The following XYLT1 variants were observed in gnomAD, a reference collection of about 807,000 sequenced individuals.
XYLT1 encodes the protein xylosyltransferase 1, also known as beta-D-xylosyltransferase 1.
In XYLT1, 36 loss-of-function variants were observed where a neutral mutation model predicts 91.3. The ratio of observed to expected loss-of-function variants is 0.39; its 90% CI spans 0.30 to 0.52. The LOEUF is 0.52. Among genes scored for constraint, XYLT1 ranks in the 20% least tolerant of loss-of-function variants. XYLT1 has a pLI of 0.68. For missense variants in XYLT1, 1,242 were observed against 1,284.5 expected (o/e 0.97, Z 0.51); for synonymous variants, 588 against 532.0 (o/e 1.11, Z -1.45).
At chr16:17,280,113 G>A (rs1014073584) in intron 2 of XYLT1, among the ~76,000 whole-genome samples, 7 of 152,208 alleles carry the variant, frequency 4.6e-5, no homozygotes, top group Admixed American at 2.6e-4. Flanking sequence ...CATTTTGGGA[G>A]GCCAAGGCAG....
intron 1 of XYLT1, among the ~76,000 whole-genome samples, chr16:17,441,656 T>C (rs1001388438): frequency 2.6e-5 from 4 of 152,164 alleles, no homozygotes; most frequent in African/African-American, 9.7e-5. Context: ...TCTTGGATGA[T>C]TTTTTTAAAT....
At chr16:17,197,679 G>A (rs1026222653) in intron 5 of XYLT1, among the ~76,000 whole-genome samples, 6 of 152,160 alleles carry the variant, frequency 3.9e-5, no homozygotes, top group Admixed American at 1.3e-4. Context: ...CTCCCATGCT[G>A]GATGCTTCCT....
intron 5 of XYLT1, among the ~76,000 whole-genome samples, chr16:17,172,035 G>A (rs1455223438): frequency 2.6e-5 from 4 of 152,310 alleles, no homozygotes; most frequent in East Asian, 3.9e-4. Context: ...AACAGGAATC[G>A]CAATATGACA....
At chr16:17,284,171 T>TG (rs2034098871) in intron 2 of XYLT1, among the ~76,000 whole-genome samples, 1 of 152,234 alleles carries the variant, frequency 6.6e-6, no homozygotes, top group Non-Finnish European at 1.5e-5. Context: ...ACAGTCCTGT[T>TG]GCGAAGATCA....
intron 1 of XYLT1, among the ~76,000 whole-genome samples, chr16:17,439,062 G>A (rs73527443): frequency 6.6e-6 from 1 of 152,168 alleles, no homozygotes; most frequent in African/African-American, 2.4e-5. Flanking sequence ...GTGCAATACA[G>A]AAATATTGGT....
chr16:17,344,492 C>CAAA (rs199791926), intron 2 of XYLT1, among the ~76,000 whole-genome samples: 3 of 100,860 alleles, frequency 3.0e-5, no homozygotes, highest in Admixed American at 1.1e-4. Context: ...GACTCCATCT[C>CAAA]AAAAAAAAAA....
At chr16:17,338,072 T>C in intron 2 of XYLT1, 1 of 405,898 alleles carries the variant, frequency 2.5e-6, no homozygotes, top group Non-Finnish European at 5.0e-6. Flanking sequence ...CCGGCCCCCG[T>C]TCTACATTTT....
chr16:17,246,969 G>C (rs560524058), intron 3 of XYLT1, among the ~76,000 whole-genome samples: 16 of 152,200 alleles, frequency 1.1e-4, no homozygotes, highest in Non-Finnish European at 2.4e-4. Flanking sequence ...GACTTGGAGA[G>C]GTGCAGTGTG....
intron 1 of XYLT1, among the ~76,000 whole-genome samples, chr16:17,438,163 T>C (rs2036484872): frequency 6.6e-6 from 1 of 152,174 alleles, no homozygotes; most frequent in Non-Finnish European, 1.5e-5. Flanking sequence ...TCTGCAATTC[T>C]AGAATTTCCC....
At chr16:17,277,857 A>G (rs571423241) in intron 2 of XYLT1, among the ~76,000 whole-genome samples, 1 of 151,996 alleles carries the variant, frequency 6.6e-6, no homozygotes, top group Non-Finnish European at 1.5e-5. Context: ...CTTTTGTATT[A>G]CCCACTGTTC....
intron 3 of XYLT1, among the ~76,000 whole-genome samples, chr16:17,218,524 C>T (rs1291719069): frequency 6.6e-6 from 1 of 152,128 alleles, no homozygotes; most frequent in African/African-American, 2.4e-5. Flanking sequence ...GGCTTGTGCT[C>T]AGCAGTGATT....
chr16:17,431,400 C>G (rs975610542), intron 1 of XYLT1, among the ~76,000 whole-genome samples: 15 of 152,228 alleles, frequency 9.9e-5, no homozygotes, highest in Middle Eastern at 3.4e-3. Context: ...GCTGAGGCTG[C>G]GTGTCCAAGG....
intron 6 of XYLT1, among the ~76,000 whole-genome samples, chr16:17,143,021 T>C (rs1373614189): frequency 6.6e-6 from 1 of 152,152 alleles, no homozygotes; most frequent in African/African-American, 2.4e-5. Context: ...TATATACATA[T>C]AATCATCTTG....
chr16:17,114,255 C>T (rs1021225077), intron 11 of XYLT1, among the ~76,000 whole-genome samples: 12 of 152,194 alleles, frequency 7.9e-5, no homozygotes, highest in Non-Finnish European at 1.6e-4. Flanking sequence ...GTGAGCTGCT[C>T]TAGCAGAGTA....
At chr16:17,438,092 A>G (rs1403822855) in intron 1 of XYLT1, among the ~76,000 whole-genome samples, 1 of 152,204 alleles carries the variant, frequency 6.6e-6, no homozygotes, top group Non-Finnish European at 1.5e-5. Context: ...AGGAAGGAGC[A>G]CTGGTTTCCA....
At chr16:17,332,043 T>C (rs2141839082) in intron 2 of XYLT1, among the ~76,000 whole-genome samples, 1 of 152,340 alleles carries the variant, frequency 6.6e-6, no homozygotes, top group Non-Finnish European at 1.5e-5. Flanking sequence ...GACACAGGGA[T>C]TATTGCATCT....
At chr16:17,371,516 C>T (rs2035531597) in intron 1 of XYLT1, among the ~76,000 whole-genome samples, 1 of 152,214 alleles carries the variant, frequency 6.6e-6, no homozygotes. Context: ...GCTCAACCTA[C>T]TGATTGGCTA....
At chr16:17,132,114 C>T (rs1053180712) in intron 9 of XYLT1, among the ~76,000 whole-genome samples, 3 of 152,160 alleles carry the variant, frequency 2.0e-5, no homozygotes, top group Non-Finnish European at 4.4e-5. Context: ...TCTAGGAAGC[C>T]TGCAACTGTA....
intron 11 of XYLT1, among the ~76,000 whole-genome samples, chr16:17,116,001 A>T (rs1419453147): frequency 2.4e-5 from 1 of 41,452 alleles, no homozygotes; most frequent in Non-Finnish European, 1.4e-4. Context: ...AAAAAAAAGC[A>T]ATCTTACAGT....
Sources: gnomAD v4.1 joint callset for allele counts (sites outside exome capture counted in the v4.1 genomes callset) on GRCh38, gnomAD v4.1.1 for gene constraint, MANE v1.5 for transcripts, NCBI Gene and HGNC (gene_info 2026-07-23, HGNC 2026-07-21) for gene names.